The following MCC variants were observed in gnomAD, a reference collection of about 807,000 sequenced individuals.
MCC encodes colorectal mutant cancer protein.
In MCC, 90 loss-of-function variants were observed where a neutral mutation model predicts 116.2. The ratio of observed to expected loss-of-function variants is 0.77; its 90% CI spans 0.65 to 0.92. The LOEUF is 0.92. Ranked by LOEUF, MCC falls within the 40% of genes least tolerant of loss-of-function variation. The probability of loss-of-function intolerance (pLI) is 0.00; values close to 1 mark genes in which losing one functional copy is unlikely to be tolerated. For synonymous variants in MCC, 578 were observed against 510.5 expected, an observed-to-expected ratio of 1.13 and a Z score of -1.78; for missense variants, 1,516 against 1,312.2, an observed-to-expected ratio of 1.16 and a Z score of -2.40.
At chr5:113,196,108 C>A (rs1288680077) in intron 3 of MCC, among the ~76,000 whole-genome samples, 2 of 152,258 alleles carry the variant, frequency 1.3e-5, no homozygotes, top group Non-Finnish European at 2.9e-5. Flanking sequence ...TAGTGTCTTT[C>A]ACTGGAGTCA....
intron 3 of MCC, among the ~76,000 whole-genome samples, chr5:113,213,193 A>G (rs1378523010): frequency 3.9e-5 from 6 of 151,972 alleles, no homozygotes. Flanking sequence ...CCCTCTACAC[A>G]CCTCTCTAAC....
At chr5:113,068,359 T>C (rs1753772274) in intron 12 of MCC, among the ~76,000 whole-genome samples, 176 bp from the exon 13 acceptor site, 3 of 152,254 alleles carry the variant, frequency 2.0e-5, no homozygotes, top group African/African-American at 7.2e-5. Flanking sequence ...CTCTTTCATT[T>C]GGCCTTTTTA....
At chr5:113,308,920 A>T (rs990966114) in intron 3 of MCC, among the ~76,000 whole-genome samples, 40 of 152,162 alleles carry the variant, frequency 2.6e-4, no homozygotes, top group African/African-American at 9.6e-4. Flanking sequence ...TAACATTTTG[A>T]TTTTGCACAA....
intron 3 of MCC, among the ~76,000 whole-genome samples, chr5:113,296,565 G>C (rs1220630188): frequency 6.6e-6 from 1 of 152,174 alleles, no homozygotes; most frequent in Non-Finnish European, 1.5e-5. Flanking sequence ...AGTATGGATG[G>C]AGACTGGAAT....
chr5:113,130,627 A>G (rs1758366064), intron 5 of MCC, among the ~76,000 whole-genome samples: 1 of 152,112 alleles, frequency 6.6e-6, no homozygotes, highest in African/African-American at 2.4e-5. Context: ...GGATCCCTCA[A>G]GAGATTATTG....
intron 3 of MCC, among the ~76,000 whole-genome samples, chr5:113,189,909 G>A (rs1762072414): frequency 6.6e-6 from 1 of 152,142 alleles, no homozygotes; most frequent in South Asian, 2.1e-4. Context: ...TGCAGGAGAA[G>A]ATCCAGGCTT....
chr5:113,376,528 G>A (rs1768982553), intron 2 of MCC, among the ~76,000 whole-genome samples: 1 of 150,180 alleles, frequency 6.7e-6, no homozygotes, highest in South Asian at 2.1e-4. Context: ...ACTTACAATT[G>A]GGTTGTGTAT....
chr5:113,165,238 C>A (rs1170725251), intron 3 of MCC, among the ~76,000 whole-genome samples: 1 of 152,222 alleles, frequency 6.6e-6, no homozygotes, highest in Middle Eastern at 3.2e-3. Flanking sequence ...CTGTAAGGAG[C>A]TGCTTCTCCC....
intron 3 of MCC, among the ~76,000 whole-genome samples, chr5:113,261,048 C>T (rs997208142): frequency 3.3e-5 from 5 of 152,140 alleles, no homozygotes; most frequent in African/African-American, 1.2e-4. Context: ...AAATAATATA[C>T]AGAAAGTTGT....
In MCC at chr5:113,435,341, C is replaced by T. The variant is rs990933586; in HGVS notation, c.171-50129G>A. Reference sequence around the variant, plus strand: ...AGTGTAGGGAACCCTGAGGGTCACACAATTACCCCAAGATAGTAGCAGACC... The same window carrying T: ...AGTGTAGGGAACCCTGAGGGTCACATAATTACCCCAAGATAGTAGCAGACC... On this transcript the variant is annotated intron_variant, in intron 1 of 18. Transcript: ENST00000408903. Among the ~76,000 whole-genome samples, 9 of 150,572 alleles carry T rather than the reference C, an allele frequency of 6.0e-5. No homozygotes were observed. The South Asian group carries it at 6.4e-4, about 11-fold the overall frequency.
intron 8 of MCC, among the ~76,000 whole-genome samples, chr5:113,090,459 G>T (rs968316838): frequency 6.6e-6 from 1 of 151,970 alleles, no homozygotes; most frequent in African/African-American, 2.4e-5. Flanking sequence ...CAACTCTAGA[G>T]ACCTCAATAA....
intron 2 of MCC, among the ~76,000 whole-genome samples, chr5:113,372,454 G>A (rs1768857201): frequency 1.3e-5 from 2 of 152,256 alleles, no homozygotes. Context: ...TAATACCTCA[G>A]AAATATTTGT....
chr5:113,419,583 A>T (rs1025503636), intron 1 of MCC, among the ~76,000 whole-genome samples: 1 of 152,102 alleles, frequency 6.6e-6, no homozygotes, highest in African/African-American at 2.4e-5. Flanking sequence ...TGTACTTTAA[A>T]AATGGTGAAA....
chr5:113,266,267 C>A (rs1401710228), intron 3 of MCC, among the ~76,000 whole-genome samples: 1 of 149,778 alleles, frequency 6.7e-6, no homozygotes, highest in Non-Finnish European at 1.5e-5. Flanking sequence ...ACACACAAAA[C>A]CATTATCACC....
intron 1 of MCC, among the ~76,000 whole-genome samples, chr5:113,391,723 GA>G (rs35813804): frequency 2.0e-3 from 283 of 142,110 alleles, no homozygotes; most frequent in African/African-American, 4.9e-3. Context: ...TGTCTCTGGG[GA>G]AAAAAAAAAA....
At chr5:113,141,012 G>T (rs1368478569) in intron 5 of MCC, among the ~76,000 whole-genome samples, 1 of 152,224 alleles carries the variant, frequency 6.6e-6, no homozygotes, top group Non-Finnish European at 1.5e-5. Flanking sequence ...AGACTGGTGT[G>T]TGAGTTGTTG....
chr5:113,145,144 C>G (rs1364767475), intron 4 of MCC, among the ~76,000 whole-genome samples: 1 of 152,220 alleles, frequency 6.6e-6, no homozygotes, highest in African/African-American at 2.4e-5. Context: ...AACACTGTTC[C>G]TCTCAGACCT....
intron 9 of MCC, among the ~76,000 whole-genome samples, chr5:113,084,698 G>T (rs1256864478): frequency 6.6e-6 from 1 of 152,248 alleles, no homozygotes; most frequent in African/African-American, 2.4e-5. Flanking sequence ...CTGTGGCAGT[G>T]AGTCAGTGGG....
Position 113,340,621 on chromosome 5 carries a change from G to C in MCC, c.525C>G (p.Gly175=), listed in dbSNP as rs569072780. The C allele has an allele frequency of 6.2e-6, 10 of 1,614,144 alleles. No individual in the cohort carries two copies. In the African/African-American group the frequency reaches 1.1e-4, roughly 17 times the overall value. Residue 175 remains glycine, a synonymous_variant, in exon 3 of 19, where the codon GGC becomes GGG. Coordinates refer to ENST00000408903, the MANE Select transcript of MCC (RefSeq NM_001085377.2). ...QSALQKLLEY[G]GSSLHQQAAL... The stretch of plus-strand genomic sequence containing the variant: ...CAGCCTGCTGATGCAAAGAGCTTCC[G>C]CCATACTCGAGCAGCTTCTGGAGGG...
Sources: allele counts gnomAD v4.1 joint callset (sites outside exome capture counted in the v4.1 genomes callset), GRCh38; gene constraint gnomAD v4.1.1; transcripts MANE v1.5; gene names NCBI Gene and HGNC (gene_info 2026-07-23, HGNC 2026-07-21).